PACRGL: variants seen among roughly 807,000 people sequenced by gnomAD.
The protein encoded by PACRGL is parkin coregulated like.
PACRGL carries 38 observed loss-of-function variants against 34.5 expected under a neutral mutation model. The observed-to-expected ratio is 1.10, with a 90% CI of 0.85 to 1.44. PACRGL has a LOEUF of 1.44. PACRGL is among the 40% of genes most tolerant of loss of function. PACRGL has a pLI of 0.00. For missense variants in PACRGL, 305 were observed against 281.4 expected, an observed-to-expected ratio of 1.08 and a Z score of -0.60; for synonymous variants, 128 against 100.1, an observed-to-expected ratio of 1.28 and a Z score of -1.66.
chr4:20,744,406 A>C (rs1751937574), intron 8 of PACRGL, among the ~76,000 whole-genome samples: 4 of 152,190 alleles, frequency 2.6e-5, no homozygotes, highest in Admixed American at 2.6e-4. Context: ...TGGCACATAT[A>C]CTGGATTAAG....
At chr4:20,718,038 A>G (rs2149140011) in intron 7 of PACRGL, among the ~76,000 whole-genome samples, 1 of 151,598 alleles carries the variant, frequency 6.6e-6, no homozygotes, top group Non-Finnish European at 1.5e-5. Context: ...TTCTCCTTGA[A>G]GAGGTCCTTC....
chr4:20,723,442 TG>T (rs201922123), intron 7 of PACRGL, among the ~76,000 whole-genome samples: 34 of 149,944 alleles, frequency 2.3e-4, no homozygotes, highest in Admixed American at 2.7e-4. Context: ...TTTTTGTTTT[TG>T]TTTTTGCAGG....
intron 7 of PACRGL, 71 bp downstream of exon 7, chr4:20,713,610 A>T (rs1738369146): frequency 7.7e-7 from 1 of 1,297,350 alleles, no homozygotes; most frequent in African/African-American, 1.5e-5. Context: ...TTCATGATTT[A>T]ACAATTTCAA....
chr4:20,734,867 G>A (rs566149787), downstream of PACRGL: 88 of 487,920 alleles, frequency 1.8e-4, no homozygotes, highest in African/African-American at 1.6e-3. Flanking sequence ...TGTGTTATTG[G>A]TTGTCTAGTT....
intron 8 of PACRGL, among the ~76,000 whole-genome samples, chr4:20,725,680 C>G (rs1355286425): frequency 2.0e-5 from 3 of 151,882 alleles, no homozygotes; most frequent in African/African-American, 7.3e-5. Flanking sequence ...GAAAATTTAC[C>G]TGATCATATA....
Position 20,732,007 on chromosome 4 carries a change from T to G in PACRGL, c.*4666T>G. ...AGTTATTACACTTTCATTACTTACT[T>G]TTTGGCAGCTTTCAATGAACTCATC... On this transcript the variant is annotated 3_prime_UTR_variant, in exon 9 of 9. Transcript: ENST00000503585. The G allele has an allele frequency of 6.2e-7, 1 of 1,613,446 alleles. No homozygotes were observed. Among genetic ancestry groups the G allele is most frequent in the Non-Finnish European group, 8.5e-7 (1 of 1,179,762 alleles).
intron 8 of PACRGL, among the ~76,000 whole-genome samples, chr4:20,748,306 C>G (rs768273514): frequency 3.3e-5 from 5 of 152,016 alleles, no homozygotes; most frequent in South Asian, 2.1e-4. Flanking sequence ...TCTGTCCAGC[C>G]TCTGCCCCAC....
At chr4:20,737,688 G>C (rs754069013) in intron 8 of PACRGL, among the ~76,000 whole-genome samples, 5 of 152,180 alleles carry the variant, frequency 3.3e-5, no homozygotes, top group Non-Finnish European at 7.3e-5. Flanking sequence ...CAGAAGCTCT[G>C]ATACTAAGCA....
chr4:20,707,277 GGTTATGAA>G (rs1338972017), intron 3 of PACRGL, among the ~76,000 whole-genome samples: 1 of 147,242 alleles, frequency 6.8e-6, no homozygotes, highest in African/African-American at 2.7e-5. Flanking sequence ...AAAACTGAAA[GGTTATGAA>G]GTTATATATC....
chr4:20,697,480 G>C (rs561923199), upstream of PACRGL, among the ~76,000 whole-genome samples: 2 of 152,070 alleles, frequency 1.3e-5, no homozygotes, highest in Non-Finnish European at 2.9e-5. Context: ...AACTCATAAG[G>C]TTATATAATA....
At chr4:20,719,482 C>T (rs1412750097) in intron 7 of PACRGL, among the ~76,000 whole-genome samples, 1 of 152,080 alleles carries the variant, frequency 6.6e-6, no homozygotes, top group Non-Finnish European at 1.5e-5. Context: ...TATAAATTTC[C>T]CTCTACACAC....
chr4:20,699,223 ATTT>A (rs36062451), upstream of PACRGL, among the ~76,000 whole-genome samples: 277 of 150,726 alleles, frequency 1.8e-3, no homozygotes, highest in Admixed American at 3.1e-3. Context: ...AGGATATAAG[ATTT>A]TTTTTTTTAA....
Position 20,751,810 on chromosome 4 carries a change from T to C in PACRGL, c.*57-755T>C, listed in dbSNP as rs148663788. Among the ~76,000 whole-genome samples, 588 of 152,342 alleles carry C rather than the reference T, an allele frequency of 3.9e-3. 2 individuals carry two copies. Among genetic ancestry groups the C allele is most frequent in the Non-Finnish European group, 6.3e-3 (432 of 68,040 alleles). On this transcript the variant is annotated intron_variant, in intron 8 of 8. Transcript: ENST00000507634. ...GCTTTCAAGGTTTACACTAATGTGG[T>C]ACAGAGGACATCCTGTTCTTCTAAA... is the stretch of plus-strand genomic sequence containing the variant.
At chr4:20,747,283 G>A (rs1301977486) in intron 8 of PACRGL, among the ~76,000 whole-genome samples, 2 of 152,100 alleles carry the variant, frequency 1.3e-5, no homozygotes, top group Non-Finnish European at 2.9e-5. Context: ...TTCAAGTAAT[G>A]GAGTCACTAA....
intron 6 of PACRGL, 128 bp downstream of exon 6, chr4:20,713,050 C>G: frequency 9.8e-7 from 1 of 1,019,400 alleles, no homozygotes; most frequent in Non-Finnish European, 1.3e-6. Flanking sequence ...ATCTGTGATT[C>G]TGACACATTT....
chr4:20,722,019 C>G (rs1360494276), intron 7 of PACRGL, among the ~76,000 whole-genome samples: 1 of 152,258 alleles, frequency 6.6e-6, no homozygotes, highest in Non-Finnish European at 1.5e-5. Flanking sequence ...GAAACCTCAG[C>G]AATGGCGGGC....
At chr4:20,722,905 A>C (rs1193413950) in intron 7 of PACRGL, among the ~76,000 whole-genome samples, 2 of 152,238 alleles carry the variant, frequency 1.3e-5, no homozygotes, top group African/African-American at 4.8e-5. Flanking sequence ...CAGCTGAGGT[A>C]TGATTTTGAT....
the PACRGL span, among the ~76,000 whole-genome samples, chr4:20,760,878 AT>A: frequency 6.6e-6 from 1 of 152,166 alleles, no homozygotes; most frequent in Non-Finnish European, 1.5e-5. Flanking sequence ...GTGATGGTTG[AT>A]TTTATGTGTT....
intron 8 of PACRGL, among the ~76,000 whole-genome samples, chr4:20,739,630 G>A (rs1293819940): frequency 6.6e-6 from 1 of 152,166 alleles, no homozygotes; most frequent in Non-Finnish European, 1.5e-5. Context: ...AAACCAGAAA[G>A]ATGGAGAGAA....
Sources: allele counts gnomAD v4.1 joint callset (sites outside exome capture counted in the v4.1 genomes callset), GRCh38; gene constraint gnomAD v4.1.1; transcripts MANE v1.5; gene names NCBI Gene and HGNC (gene_info 2026-07-23, HGNC 2026-07-21).